Variants in BBS9 observed in about 807,000 individuals in gnomAD.
The protein encoded by BBS9 is Bardet-Biedl syndrome 9, also known as protein PTHB1.
BBS9 carries 89 observed loss-of-function variants against 117.7 expected under a neutral mutation model. The ratio of observed to expected loss-of-function variants is 0.76; its 90% CI spans 0.64 to 0.90. The LOEUF is 0.90. Ranked by LOEUF, BBS9 falls within the 40% of genes least tolerant of loss-of-function variation. BBS9 has a pLI of 0.00. For synonymous variants in BBS9, 379 were observed against 370.9 expected, an observed-to-expected ratio of 1.02 and a Z score of -0.25; for missense variants, 982 against 1,042.2, an observed-to-expected ratio of 0.94 and a Z score of 0.80.
rs917423084 is a variant in BBS9 at position 33,245,423 on chromosome 7, A to G, written c.443-11813A>G. On this transcript the variant is annotated intron_variant, in intron 5 of 22. Transcript: ENST00000242067. ...CTCTGTAATACCAAGATGGATACTA[A>G]ACTCTGTAATAATTTTGAATCACAG... is the stretch of plus-strand genomic sequence containing the variant. Among the ~76,000 whole-genome samples, 20 of 152,224 alleles carry G rather than the reference A, an allele frequency of 1.3e-4. No individual in the cohort carries two copies. The East Asian group carries it at 3.9e-3, about 29-fold the overall frequency.
chr7:33,302,115 A>T (rs185963412), intron 9 of BBS9, among the ~76,000 whole-genome samples: 22 of 151,864 alleles, frequency 1.4e-4, no homozygotes, highest in African/African-American at 5.1e-4. Flanking sequence ...GCCCGTTTTT[A>T]GTTGTATTAT....
intron 5 of BBS9, among the ~76,000 whole-genome samples, chr7:33,235,722 T>C (rs1296342282): frequency 6.6e-6 from 1 of 152,168 alleles, no homozygotes; most frequent in South Asian, 2.1e-4. Context: ...GAAATATGTA[T>C]GCACTAAAGA....
At chr7:33,604,773 TATG>T in intron 21 of BBS9, 89 bp from the exon 22 acceptor site, 1 of 854,718 alleles carries the variant, frequency 1.2e-6, no homozygotes. Context: ...TTATTATCTT[TATG>T]ATCAGTGTGT....
At chr7:33,153,451 C>T (rs1377780999) in intron 3 of BBS9, among the ~76,000 whole-genome samples, 7 of 152,172 alleles carry the variant, frequency 4.6e-5, no homozygotes. Flanking sequence ...TATTTTCATA[C>T]ACAAACTTTC....
intron 19 of BBS9, among the ~76,000 whole-genome samples, chr7:33,470,490 A>T (rs1282045185): frequency 2.0e-5 from 3 of 151,838 alleles, no homozygotes; most frequent in Non-Finnish European, 1.5e-5. Context: ...ACCCCTATTT[A>T]TTGTTCTCTT....
chr7:33,329,654 C>T (rs1316452739), intron 9 of BBS9, among the ~76,000 whole-genome samples: 2 of 151,876 alleles, frequency 1.3e-5, no homozygotes, highest in Non-Finnish European at 2.9e-5. Flanking sequence ...GCATAAAAGA[C>T]AATAGTATTT....
intron 5 of BBS9, among the ~76,000 whole-genome samples, chr7:33,207,364 C>T (rs573532556): frequency 5.9e-5 from 9 of 152,194 alleles, no homozygotes; most frequent in African/African-American, 1.9e-4. Context: ...AGCAGTAGAT[C>T]TTTCTTCTCC....
Position 33,388,159 on chromosome 7 carries a change from A to C in BBS9, c.2115+15A>C. 2.5e-6 allele frequency: 4 copies of C among 1,613,606 alleles called. No homozygotes were observed. The African/African-American group carries it at 4.0e-5, about 16-fold the overall frequency. The stretch of plus-strand genomic sequence containing the variant: ...CCTACAAGCAGGTCAGTATAATATC[A>C]GTAACAGTTTTCTATTACTGGCTAT... On this transcript the variant is annotated intron_variant, in intron 19 of 22. Coordinates refer to ENST00000242067, the MANE Select transcript of BBS9 (RefSeq NM_198428.3).
At chr7:33,570,572 C>T (rs1486986284) in intron 21 of BBS9, among the ~76,000 whole-genome samples, 1 of 152,178 alleles carries the variant, frequency 6.6e-6, no homozygotes, top group African/African-American at 2.4e-5. Context: ...TGGATGCTAA[C>T]ATCAGTGAGA....
Position 33,362,580 on chromosome 7 carries a change from G to C in BBS9, c.1693+4585G>C, listed in dbSNP as rs1380620768. Among the ~76,000 whole-genome samples, 3 of 152,030 alleles carry C rather than the reference G, an allele frequency of 2.0e-5. No individual in the cohort carries two copies. The South Asian group carries it at 6.2e-4, about 32-fold the overall frequency. On this transcript the variant is annotated intron_variant, in intron 16 of 22. Coordinates refer to ENST00000242067, the MANE Select transcript of BBS9 (RefSeq NM_198428.3). ...AAATCATCTGACCACATTTATGTGGGTGTATTTCTGCTTTCTTAATTTTGT... is the reference window on the plus strand; with the variant it reads ...AAATCATCTGACCACATTTATGTGGCTGTATTTCTGCTTTCTTAATTTTGT...
At chr7:33,341,019 C>T (rs182563822) in intron 11 of BBS9, 46 bp downstream of exon 11, 265 of 1,536,172 alleles carry the variant, frequency 1.7e-4, no homozygotes, top group South Asian at 5.1e-4. Context: ...GAGTGGTAAA[C>T]TCTGATGAAT....
chr7:33,243,988 C>T (rs1033677798), intron 5 of BBS9, among the ~76,000 whole-genome samples: 2 of 152,134 alleles, frequency 1.3e-5, no homozygotes, highest in African/African-American at 4.8e-5. Flanking sequence ...CTTTGGGAAG[C>T]TGAGGCGGGC....
chr7:33,422,607 A>G (rs1353193210), intron 19 of BBS9, among the ~76,000 whole-genome samples: 1 of 152,192 alleles, frequency 6.6e-6, no homozygotes, highest in Non-Finnish European at 1.5e-5. Flanking sequence ...TTCCTACTTT[A>G]TAATAATTAT....
At chr7:33,591,296 T>A (rs1861878201) in intron 21 of BBS9, among the ~76,000 whole-genome samples, 1 of 152,100 alleles carries the variant, frequency 6.6e-6, no homozygotes, top group Admixed American at 6.6e-5. Flanking sequence ...GGAAGCTGAT[T>A]TGTTTATCAC....
chr7:33,135,923 C>CT (rs61497361), intron 1 of BBS9, among the ~76,000 whole-genome samples: 2,408 of 144,800 alleles, frequency 0.017, 29 homozygotes, highest in South Asian at 0.045. Context: ...CCTAAGTATT[C>CT]TTTTTTTTTT....
chr7:33,377,021 C>G (rs1379994447), intron 17 of BBS9, among the ~76,000 whole-genome samples: 3 of 151,898 alleles, frequency 2.0e-5, no homozygotes, highest in Non-Finnish European at 4.4e-5. Flanking sequence ...TTGATAGTTT[C>G]TTTTGCTGTG....
rs117883096 is a variant in BBS9 at position 33,600,417 on chromosome 7, G to A, written c.2522-4448G>A. ...AAAGCAAGTTTTTTTTTTTTGAGAA[G>A]CATTGCTGTAAACTATAGAGAGCCG... is the stretch of plus-strand genomic sequence containing the variant. On this transcript the variant is annotated intron_variant, in intron 21 of 22. Coordinates refer to ENST00000242067, the MANE Select transcript of BBS9 (RefSeq NM_198428.3). Among the ~76,000 whole-genome samples, 319 of 151,030 alleles carry A rather than the reference G, an allele frequency of 2.1e-3. 2 individuals are homozygous for A. The highest frequency in any genetic ancestry group is 0.019 in the East Asian group (97 of 5,132).
intron 20 of BBS9, among the ~76,000 whole-genome samples, chr7:33,511,862 T>C (rs1432196579): frequency 6.6e-6 from 1 of 152,228 alleles, no homozygotes; most frequent in African/African-American, 2.4e-5. Context: ...TCAGGTTTAA[T>C]GTAAGGGCCA....
chr7:33,408,108 C>G (rs186379215), intron 19 of BBS9, among the ~76,000 whole-genome samples: 2 of 152,246 alleles, frequency 1.3e-5, no homozygotes, highest in Admixed American at 6.5e-5. Context: ...AGCTTCCTGG[C>G]TGCTTTGTTT....
Sources: allele counts gnomAD v4.1 joint callset (sites outside exome capture counted in the v4.1 genomes callset), GRCh38; gene constraint gnomAD v4.1.1; transcripts MANE v1.5; gene names NCBI Gene and HGNC (gene_info 2026-07-23, HGNC 2026-07-21).